Variants in SMARCAD1 observed in about 807,000 individuals in gnomAD.
SMARCAD1 encodes SNF2 related chromatin remodeling ATPase with DExD box 1.
SMARCAD1 carries 25 observed loss-of-function variants against 127.1 expected under a neutral mutation model. The observed-to-expected ratio is 0.20, with a 90% CI of 0.14 to 0.27. The LOEUF (loss-of-function observed/expected upper bound fraction) is 0.27. SMARCAD1 is among the 10% of genes least tolerant of loss of function. The probability of loss-of-function intolerance (pLI) is 1.00; values close to 1 mark genes in which losing one functional copy is unlikely to be tolerated. For synonymous variants in SMARCAD1, 400 were observed against 396.9 expected, an observed-to-expected ratio of 1.01 and a Z score of -0.09; for missense variants, 807 against 1,206.0, an observed-to-expected ratio of 0.67 and a Z score of 4.90.
At chr4:94,244,116 A>C (rs1043164552) in intron 6 of SMARCAD1, among the ~76,000 whole-genome samples, 1 of 152,242 alleles carries the variant, frequency 6.6e-6, no homozygotes, top group African/African-American at 2.4e-5. Context: ...ACAGAAGAAA[A>C]AGAAAGATTG....
intron 9 of SMARCAD1, among the ~76,000 whole-genome samples, chr4:94,259,709 A>G (rs1169892517): frequency 6.6e-6 from 1 of 152,232 alleles, no homozygotes; most frequent in Non-Finnish European, 1.5e-5. Context: ...ACACAGTGTT[A>G]TAATGAACCC....
At chr4:94,271,493 A>T (rs769979835) in intron 11 of SMARCAD1, among the ~76,000 whole-genome samples, 5 of 152,214 alleles carry the variant, frequency 3.3e-5, no homozygotes, top group Non-Finnish European at 7.3e-5. Flanking sequence ...TCAGCAAAGA[A>T]AATGTTACAC....
rs1238530316 is a variant in SMARCAD1, at chr4:94,284,348, A to G, written c.2910-612A>G. 2.1e-4 allele frequency among the ~76,000 whole-genome samples: 21 copies of G among 99,912 alleles called. 1 individual carries two copies. The highest frequency in any genetic ancestry group is 6.0e-4 in the Admixed American group (5 of 8,374). 65.5% of individuals were successfully genotyped at this position (99,912 alleles called of 152,430 possible). On this transcript the variant is annotated intron_variant, in intron 22 of 23. Transcript: ENST00000354268. The stretch of plus-strand genomic sequence containing the variant: ...TCTCAAAAAAAAAAAAAAAAAAAAA[A>G]AAAAAGAAAAAAGTAATTTCCATCT...
chr4:94,268,294 TAGTG>T (rs1383902965), intron 10 of SMARCAD1, among the ~76,000 whole-genome samples: 15 of 152,174 alleles, frequency 9.9e-5, no homozygotes, highest in Admixed American at 9.8e-4. Flanking sequence ...TTTGATGTTA[TAGTG>T]AGTATTTTGA....
At chr4:94,263,881 T>C (rs1751367387) in intron 9 of SMARCAD1, among the ~76,000 whole-genome samples, 1 of 151,984 alleles carries the variant, frequency 6.6e-6, no homozygotes, top group Non-Finnish European at 1.5e-5. Context: ...CCACTAAAAA[T>C]ATTTTTTGTC....
chr4:94,211,616 C>T (rs1742275599), intron 2 of SMARCAD1, among the ~76,000 whole-genome samples: 1 of 152,158 alleles, frequency 6.6e-6, no homozygotes, highest in African/African-American at 2.4e-5. Context: ...CCTGTAATCA[C>T]TCTTTTTGAC....
intron 15 of SMARCAD1, among the ~76,000 whole-genome samples, 153 bp from the exon 16 acceptor site, chr4:94,276,869 A>AT (rs1217080675): frequency 1.3e-5 from 2 of 152,238 alleles, no homozygotes; most frequent in Admixed American, 6.5e-5. Flanking sequence ...GACGTCAATT[A>AT]TTTAAATTAC....
At chr4:94,282,091 C>CTTT (rs1560568847) in intron 21 of SMARCAD1, among the ~76,000 whole-genome samples, 3 of 1,160 alleles carry the variant, frequency 2.6e-3, no homozygotes, top group Non-Finnish European at 3.2e-3. Flanking sequence ...CATGCAAATA[C>CTTT]GTTTTTTTGT....
chr4:94,223,274 C>G (rs965873437), intron 2 of SMARCAD1, among the ~76,000 whole-genome samples: 2 of 152,076 alleles, frequency 1.3e-5, no homozygotes, highest in Non-Finnish European at 2.9e-5. Flanking sequence ...GCAGGTGGAT[C>G]ACGAGGTCAG....
chr4:94,274,456 A>G (rs1275357436), intron 12 of SMARCAD1, among the ~76,000 whole-genome samples: 3 of 152,042 alleles, frequency 2.0e-5, no homozygotes. Flanking sequence ...AGCTGGGACT[A>G]CAGGCGCCCG....
intron 5 of SMARCAD1, among the ~76,000 whole-genome samples, chr4:94,237,991 T>C (rs1401209083): frequency 6.6e-6 from 1 of 152,178 alleles, no homozygotes; most frequent in African/African-American, 2.4e-5. Context: ...ACAGTATGTT[T>C]CTGAATGCTC....
At chr4:94,269,882 A>C (rs1752294558) in intron 10 of SMARCAD1, among the ~76,000 whole-genome samples, 1 of 151,956 alleles carries the variant, frequency 6.6e-6, no homozygotes, top group African/African-American at 2.4e-5. Context: ...AATGTTGCCC[A>C]GGCTGGTCGC....
At chr4:94,210,655 G>C (rs1373349349) in intron 2 of SMARCAD1, among the ~76,000 whole-genome samples, 2 of 152,052 alleles carry the variant, frequency 1.3e-5, no homozygotes, top group Admixed American at 1.3e-4. Context: ...TGAATGGTAA[G>C]ATTTTTATGC....
chr4:94,220,758 C>T (rs1743992327), intron 2 of SMARCAD1, among the ~76,000 whole-genome samples: 2 of 152,234 alleles, frequency 1.3e-5, no homozygotes, highest in East Asian at 1.9e-4. Flanking sequence ...AGGCTCTAGA[C>T]GGTTCTAGTA....
At chr4:94,288,605 A>G (rs1755290381) in intron 23 of SMARCAD1, among the ~76,000 whole-genome samples, 1 of 152,094 alleles carries the variant, frequency 6.6e-6, no homozygotes, top group South Asian at 2.1e-4. Flanking sequence ...AGAAGAGTGG[A>G]TGAAAGTACT....
intron 2 of SMARCAD1, chr4:94,212,953 ACTCTT>A: frequency 1.6e-6 from 1 of 633,882 alleles, no homozygotes; most frequent in South Asian, 1.5e-5. Context: ...GATTTATTTT[ACTCTT>A]CTCGGTGCCC....
chr4:94,210,395 G>T lies in SMARCAD1; in HGVS notation c.190+1811G>T, dbSNP rs889059877. ...AACTGAGAAGTTTAGATTTTACATT[G>T]TAAGTATTAGATATCCATTGAAGAA... On this transcript the variant is annotated intron_variant, in intron 2 of 23. Transcript: ENST00000354268. Among the ~76,000 whole-genome samples the T allele has an allele frequency of 4.6e-5, 7 of 152,314 alleles. 2 individuals are homozygous for T. The South Asian group carries it at 1.5e-3, about 32-fold the overall frequency.
At chr4:94,262,961 T>G (rs1044453337) in intron 9 of SMARCAD1, among the ~76,000 whole-genome samples, 3 of 151,794 alleles carry the variant, frequency 2.0e-5, no homozygotes, top group Non-Finnish European at 4.4e-5. Context: ...ATTTTGAACT[T>G]TTAAGGTCTT....
chr4:94,284,926 G>A lies in SMARCAD1; in HGVS notation c.2910-34G>A, dbSNP rs112750518. ...ACATATATCCAAATAACTATATTTA[G>A]TAACCAATGGACATATTTTGTATTT... On this transcript the variant is annotated intron_variant, in intron 22 of 23. Transcript: ENST00000354268. 3.7e-4 allele frequency: 463 copies of A among 1,237,540 alleles called. 5 individuals are homozygous for A. In the African/African-American group the frequency reaches 5.8e-3, roughly 15 times the overall value. The allele number at this position is 1,237,540 out of a possible 1,614,324, so 76.7% of individuals were successfully genotyped here.
Sources: allele counts gnomAD v4.1 joint callset (sites outside exome capture counted in the v4.1 genomes callset), GRCh38; gene constraint gnomAD v4.1.1; transcripts MANE v1.5; gene names NCBI Gene and HGNC (gene_info 2026-07-23, HGNC 2026-07-21).